The following WWC1 variants were observed in gnomAD, a reference collection of about 807,000 sequenced individuals.
WWC1 encodes protein KIBRA.
In WWC1, 55 loss-of-function variants were observed where a neutral mutation model predicts 138.4. The ratio of observed to expected loss-of-function variants is 0.40; its 90% CI spans 0.32 to 0.50. The LOEUF (loss-of-function observed/expected upper bound fraction) is 0.50, where lower values mean the gene tolerates loss of function less well. Among genes scored for constraint, WWC1 ranks in the 20% least tolerant of loss-of-function variants. WWC1 has a pLI of 0.72. For synonymous variants in WWC1, 524 were observed against 564.9 expected (o/e 0.93, Z 1.03); for missense variants, 1,226 against 1,420.4 (o/e 0.86, Z 2.20).
intron 1 of WWC1, among the ~76,000 whole-genome samples, chr5:168,311,300 C>T (rs1291311183): frequency 7.7e-6 from 1 of 129,094 alleles, no homozygotes. Flanking sequence ...CTACAGAGGC[C>T]CATACAAGAT....
chr5:168,392,252 G>A (rs753792991), intron 3 of WWC1, among the ~76,000 whole-genome samples: 18 of 152,082 alleles, frequency 1.2e-4, no homozygotes, highest in Non-Finnish European at 2.6e-4. Context: ...ACCACTTGGT[G>A]CCCAGAACAG....
At chr5:168,422,135 A>G (rs368956616) in intron 10 of WWC1, 38 bp downstream of exon 10, 57 of 1,587,698 alleles carry the variant, frequency 3.6e-5, no homozygotes. Flanking sequence ...TCCCCTGGGC[A>G]TGGCCAGACA....
intron 8 of WWC1, 131 bp from the exon 9 acceptor site, chr5:168,414,217 G>A: frequency 7.3e-7 from 1 of 1,366,008 alleles, no homozygotes; most frequent in Non-Finnish European, 9.8e-7. Flanking sequence ...TAGGTTCCTT[G>A]AGATGACAAG....
chr5:168,406,153 C>T (rs112937612), intron 5 of WWC1, 45 bp from the exon 6 acceptor site: 28,010 of 1,607,302 alleles, frequency 0.017, 272 homozygotes, highest in Non-Finnish European at 0.021. Context: ...AGACCCTGTC[C>T]CTCACCCTAT....
At chr5:168,316,552 C>T (rs73381452) in intron 1 of WWC1, 2,779 of 152,248 alleles carry the variant, frequency 0.018, 91 homozygotes, top group African/African-American at 0.063. Flanking sequence ...GGGACTCAGC[C>T]CAGGAGGTCC....
Position 168,464,722 on chromosome 5 carries a change from C to A in WWC1, c.2917-7C>A, listed in dbSNP as rs769524034. ...AATAACAAGAGAAGCCGTCCCCACCCCCACAGCCTTCCTCGGTCAAGTCGC... is the reference window on the plus strand; with the variant it reads ...AATAACAAGAGAAGCCGTCCCCACCACCACAGCCTTCCTCGGTCAAGTCGC... On this transcript the variant is annotated splice_region_variant and splice_polypyrimidine_tract_variant and intron_variant, in intron 20 of 22. Transcript: ENST00000265293. 6.2e-7 allele frequency: 1 copy of A among 1,614,048 alleles called. No individual in the cohort carries two copies. The highest frequency in any genetic ancestry group is 1.3e-5 in the African/African-American group (1 of 74,940).
chr5:168,397,863 G>A, intron 4 of WWC1, 63 bp downstream of exon 4: 1 of 1,576,294 alleles, frequency 6.3e-7, no homozygotes, highest in Admixed American at 1.7e-5. Flanking sequence ...TAGGCCACAA[G>A]CCCACCCACA....
intron 1 of WWC1, among the ~76,000 whole-genome samples, chr5:168,304,801 T>C (rs1055766547): frequency 6.6e-6 from 1 of 152,048 alleles, no homozygotes. Flanking sequence ...ACACAGCCAG[T>C]TGAAATGGTC....
At chr5:168,441,636 T>A in intron 15 of WWC1, 46 bp from the exon 16 acceptor site, 5 of 1,591,934 alleles carry the variant, frequency 3.1e-6, no homozygotes, top group Middle Eastern at 1.7e-4. Context: ...ACACCTGGTG[T>A]CCCCCCCACC....
intron 1 of WWC1, among the ~76,000 whole-genome samples, chr5:168,366,822 T>A (rs1403503863): frequency 9.2e-6 from 1 of 108,790 alleles, no homozygotes; most frequent in Admixed American, 1.0e-4. Flanking sequence ...TTTTTTTTTT[T>A]TTTTTGAGAT....
At chr5:168,408,385 A>G (rs2241368) in intron 6 of WWC1, 122 bp from the exon 7 acceptor site, 285,978 of 1,147,304 alleles carry the variant, frequency 0.25, 37,593 homozygotes, top group African/African-American at 0.32. Context: ...TCAGTAGGAT[A>G]TCTGGGGAGG....
rs932713384 is a variant in WWC1 at position 168,412,089 on chromosome 5, C to G, written c.941+2094C>G. ...CTCTCTGAAGAGGACCACTCTGAAC[C>G]TTGGATCTGTTCCATCCTGCAGGAA... On this transcript the variant is annotated intron_variant, in intron 8 of 22. Transcript: ENST00000265293. 4 of 985,450 alleles carry G rather than the reference C, an allele frequency of 4.1e-6. No individual in the cohort carries two copies. In the East Asian group the frequency reaches 3.4e-4, roughly 84 times the overall value. The allele number at this position is 985,450 out of a possible 1,614,324, so 61.0% of individuals were successfully genotyped here.
intron 8 of WWC1, among the ~76,000 whole-genome samples, chr5:168,413,260 A>G (rs1178434863): frequency 6.6e-6 from 1 of 152,218 alleles, no homozygotes; most frequent in Non-Finnish European, 1.5e-5. Context: ...TGGGGTGGCC[A>G]GGGCGTGAGA....
chr5:168,447,111 C>T (rs971071802), intron 17 of WWC1, among the ~76,000 whole-genome samples: 4 of 152,132 alleles, frequency 2.6e-5, no homozygotes, highest in Admixed American at 2.0e-4. Flanking sequence ...TCCGTCTCCT[C>T]GTCTGTGAAA....
At chr5:168,444,260 A>T (rs1755039196) in intron 16 of WWC1, among the ~76,000 whole-genome samples, 1 of 152,212 alleles carries the variant, frequency 6.6e-6, no homozygotes, top group Admixed American at 6.5e-5. Context: ...TTCCATCACG[A>T]TGCTGAGTAA....
chr5:168,470,486 T>G lies in WWC1; in HGVS notation c.*1469T>G, dbSNP rs1283277972. 6.1e-5 allele frequency: 9 copies of G among 148,296 alleles called. No homozygotes were observed. The allele number at this position is 148,296 out of a possible 1,614,324, so 9.2% of individuals were successfully genotyped here. On this transcript the variant is annotated 3_prime_UTR_variant, in exon 23 of 23. Transcript: ENST00000265293. ...TTGCAGTGAGCTGAGATTGTGCCAC[T>G]GCACTCCAGCCTGGGTGACAGAGCA...
chr5:168,292,092 G>A lies in WWC1; in HGVS notation c.-61G>A. On this transcript the variant is annotated 5_prime_UTR_variant, in exon 1 of 23. Transcript: ENST00000265293. This position sits in a 1 kb window ranked among gnomAD's most constrained non-coding sequence, Gnocchi z 4.4. ...CCCGGGCTAAGAGCGGCCGGCTGGAGCCGCTGAGCCCCCGCTGCGGCCGGG... is the reference window on the plus strand; with the variant it reads ...CCCGGGCTAAGAGCGGCCGGCTGGAACCGCTGAGCCCCCGCTGCGGCCGGG... 1 of 1,455,982 alleles carries A rather than the reference G, an allele frequency of 6.9e-7. No individual in the cohort carries two copies. The highest frequency in any genetic ancestry group is 2.8e-5 in the East Asian group (1 of 35,242). 90.2% of individuals were successfully genotyped at this position (1,455,982 alleles called of 1,614,324 possible).
At chr5:168,441,964 A>C in intron 16 of WWC1, 130 bp downstream of exon 16, 1 of 1,332,800 alleles carries the variant, frequency 7.5e-7, no homozygotes, top group Non-Finnish European at 9.9e-7. Flanking sequence ...AAGTAGGAGA[A>C]GAAGACAGGG....
intron 3 of WWC1, among the ~76,000 whole-genome samples, chr5:168,393,235 C>A (rs1014167256): frequency 6.6e-6 from 1 of 152,130 alleles, no homozygotes; most frequent in African/African-American, 2.4e-5. Flanking sequence ...TTTCCCAGAA[C>A]TGAAGGAGGA....
Sources: allele counts gnomAD v4.1 joint callset (sites outside exome capture counted in the v4.1 genomes callset), GRCh38; gene constraint gnomAD v4.1.1; non-coding constraint Gnocchi (gnomAD v3.1); transcripts MANE v1.5; gene names NCBI Gene and HGNC (gene_info 2026-07-23, HGNC 2026-07-21).